The following MYCBP2 variants were observed in gnomAD, a reference collection of about 807,000 sequenced individuals.
The protein encoded by MYCBP2 is E3 ubiquitin-protein ligase MYCBP2.
Under a neutral mutation model 525.3 loss-of-function variants are expected in MYCBP2, and 120 were observed. That is an observed-to-expected ratio of 0.23 (90% CI 0.20 to 0.27). The LOEUF is 0.27. Ranked by LOEUF, MYCBP2 falls within the 10% of genes least tolerant of loss-of-function variation. The pLI is 1.00. For missense variants in MYCBP2, 4,149 were observed against 5,657.1 expected, an observed-to-expected ratio of 0.73 and a Z score of 8.55; for synonymous variants, 1,894 against 1,955.8, an observed-to-expected ratio of 0.97 and a Z score of 0.83.
At position 77,156,215 on chromosome 13, in the gene MYCBP2, A is replaced by C. The variant is rs771082941; in HGVS notation, c.6771-13T>G. On this transcript the variant is annotated splice_polypyrimidine_tract_variant and intron_variant, in intron 45 of 82. Transcript: ENST00000544440. ...TGGCTGAAGCCACCTAACAGTAATG[A>C]AAAACAAATAAACAAAACCCCAAAC... 1 of 1,606,710 alleles carries C rather than the reference A, an allele frequency of 6.2e-7. No individual in the cohort carries two copies. The highest frequency in any genetic ancestry group is 8.5e-7 in the Non-Finnish European group (1 of 1,175,028).
At chr13:77,266,657 A>C (rs1042564951) in intron 8 of MYCBP2, among the ~76,000 whole-genome samples, 1 of 146,238 alleles carries the variant, frequency 6.8e-6, no homozygotes, top group Non-Finnish European at 1.5e-5. Context: ...ATGTGGGGGG[A>C]GTGTGCATGT....
At chr13:77,123,724 G>A (rs962110863) in intron 54 of MYCBP2, among the ~76,000 whole-genome samples, 1 of 152,098 alleles carries the variant, frequency 6.6e-6, no homozygotes. Flanking sequence ...TTTTTGTACT[G>A]CCAGTTAAAA....
chr13:77,199,333 C>T lies in MYCBP2; in HGVS notation c.3844-5089G>A, dbSNP rs552855730. Among the ~76,000 whole-genome samples the T allele has an allele frequency of 3.3e-4, 50 of 152,334 alleles. 1 individual carries two copies. The highest frequency in any genetic ancestry group is 1.7e-3 in the South Asian group (8 of 4,828). ...CCACCTGAATACTGCACTTTTCTGA[C>T]GGGCTTAAAAAACGGCACACCAGGA... is the stretch of plus-strand genomic sequence containing the variant. On this transcript the variant is annotated intron_variant, in intron 26 of 82. Transcript: ENST00000544440.
chr13:77,082,908 C>T, intron 63 of MYCBP2, 124 bp downstream of exon 63: 1 of 839,194 alleles, frequency 1.2e-6, no homozygotes, highest in East Asian at 2.8e-5. Context: ...AGGGAGGCAC[C>T]ATCTATATAA....
chr13:77,171,514 C>G lies in MYCBP2; in HGVS notation c.5772G>C (p.Leu1924=). The change falls in exon 38 of 83, where the codon CTG becomes CTC. Residue 1924 remains leucine (L), a synonymous_variant. Transcript: ENST00000544440. ...STVVRASKDL[L]HRALAVDADD... is the part of the protein sequence containing the mutation. ...TACCATCCACAGCAAGAGCTCTGTG[C>G]AGGAGGTCCTTAGAGGCTCGAACGA... The G allele has an allele frequency of 6.2e-7, 1 of 1,614,054 alleles. No homozygotes were observed. Among genetic ancestry groups the G allele is most frequent in the African/African-American group, 1.3e-5 (1 of 75,050 alleles).
chr13:77,224,506 A>G lies in MYCBP2; in HGVS notation c.2884T>C (p.Tyr962His). 2 of 1,608,358 alleles carry G rather than the reference A, an allele frequency of 1.2e-6. No homozygotes were observed. The highest frequency in any genetic ancestry group is 1.7e-6 in the Non-Finnish European group (2 of 1,176,764). The change falls in exon 20 of 83, where the codon TAT (tyrosine) becomes CAT (histidine). Residue 962 changes from tyrosine to histidine, a missense_variant. Tyr to His is a moderately conservative substitution (Grantham distance 83). Transcript: ENST00000544440. ...CCATGCTGCCCATAACCAAATGTAT[A>G]GACATCTCCATTTTCCATTAAAACC... ...SVVLMENGDV[Y>H]TFGYGQHGQL... is the part of the protein sequence containing the mutation.
chr13:77,174,081 T>G (rs1456513076), intron 37 of MYCBP2, among the ~76,000 whole-genome samples: 2 of 152,228 alleles, frequency 1.3e-5, no homozygotes, highest in African/African-American at 4.8e-5. Context: ...AACATTTCAA[T>G]GATATTGAAG....
chr13:77,126,185 A>G, intron 53 of MYCBP2, 133 bp downstream of exon 53: 1 of 652,436 alleles, frequency 1.5e-6, no homozygotes, highest in Non-Finnish European at 2.6e-6. Flanking sequence ...ATGTATTTGC[A>G]ATACAAGTAA....
intron 75 of MYCBP2, 88 bp downstream of exon 75, chr13:77,061,574 T>C: frequency 6.9e-7 from 1 of 1,459,090 alleles, no homozygotes; most frequent in Non-Finnish European, 9.2e-7. Context: ...AAAGTCCACT[T>C]TTTCCCCCTA....
In MYCBP2 at chr13:77,083,093, T is replaced by C; in HGVS notation, c.10975A>G (p.Thr3659Ala). The C allele has an allele frequency of 6.2e-7, 1 of 1,613,622 alleles. No homozygotes were observed. Among genetic ancestry groups the C allele is most frequent in the Non-Finnish European group, 8.5e-7 (1 of 1,179,690 alleles). Residue 3659 changes from threonine (T) to alanine (A), a missense_variant, in exon 63 of 83, where the codon ACC (threonine) becomes GCC (alanine). By Grantham distance (58) the Thr-to-Ala change is moderately conservative (BLOSUM62 0). This residue lies in a region of MYCBP2 where 509 missense variants were observed against 789.4 expected (regional missense o/e 0.64). Coordinates refer to ENST00000544440, the MANE Select transcript of MYCBP2 (RefSeq NM_015057.5). ...LPHTFHRLLQ[T>A]ISDLMMSLPS... ...AGAGACATCATAAGGTCTGAGATGG[T>C]CTGCAGCAAGCGGTGAAAGGTGTGT...
In MYCBP2 at chr13:77,326,240, GACACACACAC is replaced by G. The variant is rs398023536; in HGVS notation, c.302+224_302+233del. On this transcript the variant is annotated intron_variant, in intron 1 of 82. Transcript: ENST00000544440. The surrounding 1 kb of genome is among the most constrained non-coding windows in gnomAD (Gnocchi z 4.2). ...CACTATCCCCCCACATAGGCAGGCAGACACACACACACACACACACACACACACACACACA... is the reference window on the plus strand; with the variant it reads ...CACTATCCCCCCACATAGGCAGGCAGACACACACACACACACACACACACA... Among the ~76,000 whole-genome samples, 276 of 127,876 alleles carry G rather than the reference GACACACACAC, an allele frequency of 2.2e-3. 1 individual carries two copies. Among genetic ancestry groups the G allele is most frequent in the Non-Finnish European group, 2.7e-3 (159 of 59,880 alleles). The allele number at this position is 127,876 out of a possible 152,430, so 83.9% of individuals were successfully genotyped here.
rs184772749 is a variant in MYCBP2, at chr13:77,206,786, C to G, written c.3456G>C (p.Ala1152=). Residue 1152 remains alanine, a synonymous_variant, in exon 24 of 83, where the codon GCG becomes GCC. Coordinates refer to ENST00000544440, the MANE Select transcript of MYCBP2 (RefSeq NM_015057.5). The stretch of plus-strand genomic sequence containing the variant: ...AGGGAAGCCTGGCATCAGCAACCAC[C>G]GCATTGTAACACCACAGCTCTCTAG... ...PNTRELWCYN[A]VVADARLPSA... 6.2e-7 allele frequency: 1 copy of G among 1,610,618 alleles called. No individual in the cohort carries two copies.
At chr13:77,137,013 A>C (rs1046622188) in intron 52 of MYCBP2, among the ~76,000 whole-genome samples, 1 of 152,158 alleles carries the variant, frequency 6.6e-6, no homozygotes, top group Non-Finnish European at 1.5e-5. Flanking sequence ...AAAAAACCCT[A>C]GCTTCCTAAC....
intron 21 of MYCBP2, among the ~76,000 whole-genome samples, chr13:77,215,385 T>G (rs2064677562): frequency 1.3e-5 from 2 of 152,088 alleles, no homozygotes; most frequent in African/African-American, 4.8e-5. Flanking sequence ...GACCTTTCAG[T>G]GAGTTTGTTT....
intron 26 of MYCBP2, among the ~76,000 whole-genome samples, chr13:77,199,627 G>A (rs532661284): frequency 6.6e-6 from 1 of 152,318 alleles, no homozygotes; most frequent in South Asian, 2.1e-4. Context: ...AACCTCTGCA[G>A]ACTTAAATGT....
At chr13:77,304,043 T>G (rs117804568) in intron 1 of MYCBP2, among the ~76,000 whole-genome samples, 28 of 152,324 alleles carry the variant, frequency 1.8e-4, no homozygotes, top group Non-Finnish European at 1.9e-4. Flanking sequence ...TGTGAATTAG[T>G]ACAACCATTG....
At chr13:77,290,454 A>G (rs1225953012) in intron 2 of MYCBP2, among the ~76,000 whole-genome samples, 3 of 152,236 alleles carry the variant, frequency 2.0e-5, no homozygotes, top group African/African-American at 7.2e-5. Context: ...CAAAAGCTAG[A>G]AACAACTCAG....
At chr13:77,300,648 T>G (rs1312189362) in intron 1 of MYCBP2, among the ~76,000 whole-genome samples, 1 of 152,150 alleles carries the variant, frequency 6.6e-6, no homozygotes. Flanking sequence ...GCAACACAGA[T>G]AAAACTATTC....
intron 7 of MYCBP2, among the ~76,000 whole-genome samples, chr13:77,269,014 GA>G: frequency 6.6e-6 from 1 of 152,206 alleles, no homozygotes; most frequent in East Asian, 1.9e-4. Context: ...GTACTGTATG[GA>G]AAAAAATATT....
Sources: gnomAD v4.1 joint callset for allele counts (sites outside exome capture counted in the v4.1 genomes callset) on GRCh38, gnomAD v4.1.1 for gene constraint, gnomAD v4.1.1 regional missense constraint, Gnocchi (gnomAD v3.1) non-coding constraint, MANE v1.5 for transcripts, NCBI Gene and HGNC (gene_info 2026-07-23, HGNC 2026-07-21) for gene names.